The following NELL2 variants were observed in gnomAD, a reference collection of about 807,000 sequenced individuals.
NELL2 encodes neural EGFL like 2.
NELL2 carries 41 observed loss-of-function variants against 109.6 expected under a neutral mutation model. The observed-to-expected ratio is 0.37, with a 90% CI of 0.29 to 0.49. The LOEUF is 0.49. Among genes scored for constraint, NELL2 ranks in the 20% least tolerant of loss-of-function variants. The pLI, the probability that NELL2 is intolerant of heterozygous loss-of-function variation, is 0.98. For synonymous variants in NELL2, 355 were observed against 344.7 expected, an observed-to-expected ratio of 1.03 and a Z score of -0.33; for missense variants, 900 against 1,008.3, an observed-to-expected ratio of 0.89 and a Z score of 1.45.
chr12:44,715,924 AGAAG>A (rs1241962348), intron 9 of NELL2, among the ~76,000 whole-genome samples: 1 of 152,122 alleles, frequency 6.6e-6, no homozygotes, highest in Non-Finnish European at 1.5e-5. Flanking sequence ...CCAATAATAA[AGAAG>A]GAAGAAAGTA....
rs146222342 is a variant in NELL2, at chr12:44,560,723, T to C, written c.1664-28002A>G. ...AACCAAAGAAAAGCCCAGGACCAGA[T>C]GAATTTACAGCCGAATTCTACCAGA... On this transcript the variant is annotated intron_variant, in intron 15 of 19. Transcript: ENST00000429094. 5.3e-3 allele frequency among the ~76,000 whole-genome samples: 814 copies of C among 152,232 alleles called. 7 individuals carry two copies. The highest frequency in any genetic ancestry group is 0.019 in the African/African-American group (775 of 41,540).
At chr12:44,833,262 G>A (rs1275523011) in intron 2 of NELL2, among the ~76,000 whole-genome samples, 1 of 152,110 alleles carries the variant, frequency 6.6e-6, no homozygotes, top group Non-Finnish European at 1.5e-5. Flanking sequence ...TAAAACAGAG[G>A]AGAACTGGGC....
chr12:44,596,411 G>T (rs895870328), intron 15 of NELL2, among the ~76,000 whole-genome samples: 86 of 152,182 alleles, frequency 5.7e-4, no homozygotes, highest in African/African-American at 1.8e-3. Context: ...ACAGACCAGA[G>T]CAAATTACTT....
intron 12 of NELL2, among the ~76,000 whole-genome samples, chr12:44,695,149 AAG>A (rs960952451): frequency 2.1e-5 from 3 of 144,698 alleles, no homozygotes; most frequent in African/African-American, 7.6e-5. Flanking sequence ...GAAGGAAGGA[AAG>A]AGGGGAGGGA....
chr12:44,904,156 A>C (rs1945694232), intron 1 of NELL2, among the ~76,000 whole-genome samples: 1 of 152,102 alleles, frequency 6.6e-6, no homozygotes, highest in African/African-American at 2.4e-5. Context: ...TTTGGATCAC[A>C]AATTTATAAA....
chr12:44,644,602 A>ATG (rs1491379580), intron 13 of NELL2, among the ~76,000 whole-genome samples: 122 of 83,812 alleles, frequency 1.5e-3, no homozygotes, highest in African/African-American at 4.4e-3. Flanking sequence ...ATATATATAT[A>ATG]TGTATGTATA....
chr12:44,668,948 A>C (rs1948043132), intron 12 of NELL2, among the ~76,000 whole-genome samples: 1 of 151,490 alleles, frequency 6.6e-6, no homozygotes, highest in Non-Finnish European at 1.5e-5. Flanking sequence ...AGGCCCACCC[A>C]TATCTGCCAC....
intron 3 of NELL2, among the ~76,000 whole-genome samples, chr12:44,791,203 T>G (rs1478975572): frequency 1.4e-5 from 1 of 72,004 alleles, no homozygotes; most frequent in Non-Finnish European, 2.7e-5. Context: ...TATATATATA[T>G]ATATATATAT....
chr12:44,839,594 G>A (rs1029945626), intron 2 of NELL2, among the ~76,000 whole-genome samples: 2 of 152,154 alleles, frequency 1.3e-5, no homozygotes, highest in Non-Finnish European at 2.9e-5. Flanking sequence ...ATACTAATAT[G>A]AAATGTGATG....
At chr12:44,740,713 A>G (rs973081689) in intron 9 of NELL2, among the ~76,000 whole-genome samples, 2 of 152,204 alleles carry the variant, frequency 1.3e-5, no homozygotes, top group African/African-American at 4.8e-5. Flanking sequence ...TCTACCAGTT[A>G]GCATGCAGGT....
Position 44,876,140 on chromosome 12 carries a change from G to A in NELL2, c.-271C>T, listed in dbSNP as rs1045881263. 3.2e-5 allele frequency: 41 copies of A among 1,284,972 alleles called. No homozygotes were observed. Among genetic ancestry groups the A allele is most frequent in the Non-Finnish European group, 3.7e-5 (38 of 1,014,980 alleles). The allele number at this position is 1,284,972 out of a possible 1,614,324, so 79.6% of individuals were successfully genotyped here. The stretch of plus-strand genomic sequence containing the variant: ...GCCCGGAGGGGGCCCGGAGGGAGGG[G>A]TCGGACTCGCCCCGGCGCGGCTCCG... On this transcript the variant is annotated 5_prime_UTR_variant, in exon 1 of 20. Coordinates refer to ENST00000429094, the MANE Select transcript of NELL2 (RefSeq NM_001145108.2).
intron 2 of NELL2, among the ~76,000 whole-genome samples, chr12:44,856,417 G>T (rs986207314): frequency 6.6e-6 from 1 of 152,196 alleles, no homozygotes; most frequent in Admixed American, 6.5e-5. Context: ...AAGTGTTAGG[G>T]AAACTAACAG....
chr12:44,813,277 A>G (rs1943237795), intron 3 of NELL2, among the ~76,000 whole-genome samples: 1 of 152,206 alleles, frequency 6.6e-6, no homozygotes, highest in Non-Finnish European at 1.5e-5. Flanking sequence ...TAAGCCTTTA[A>G]TAACTGTTAG....
chr12:44,895,982 T>C lies in NELL2; in HGVS notation c.38+17817A>G, dbSNP rs1224517627. Among the ~76,000 whole-genome samples, 3 of 152,342 alleles carry C rather than the reference T, an allele frequency of 2.0e-5. No individual in the cohort carries two copies. In the South Asian group the frequency reaches 6.2e-4, roughly 32 times the overall value. On this transcript the variant is annotated intron_variant, in intron 1 of 20. Coordinates refer to the NELL2 transcript ENST00000333837. ...CTATGCTCGGTTTTATAACATGCTA[T>C]ATTCTGATTATTTAGACTAAGGAAA... is the stretch of plus-strand genomic sequence containing the variant.
chr12:44,608,916 G>GTA (rs1366901281), intron 14 of NELL2, among the ~76,000 whole-genome samples: 6 of 149,410 alleles, frequency 4.0e-5, no homozygotes, highest in Non-Finnish European at 8.9e-5. Flanking sequence ...ATATATATAT[G>GTA]TATATATATA....
chr12:44,555,197 T>A (rs1938367640), intron 15 of NELL2, among the ~76,000 whole-genome samples: 1 of 152,180 alleles, frequency 6.6e-6, no homozygotes, highest in African/African-American at 2.4e-5. Flanking sequence ...GGAAATCAAT[T>A]AACCTAGTTG....
intron 3 of NELL2, among the ~76,000 whole-genome samples, chr12:44,785,858 C>T (rs1461909650): frequency 6.6e-6 from 1 of 152,152 alleles, no homozygotes; most frequent in Non-Finnish European, 1.5e-5. Context: ...CCCTTCCTTA[C>T]ACCTTATGCA....
intron 1 of NELL2, among the ~76,000 whole-genome samples, chr12:44,891,887 T>C (rs1274309150): frequency 6.6e-6 from 1 of 152,240 alleles, no homozygotes; most frequent in African/African-American, 2.4e-5. Flanking sequence ...CTCAGAACAA[T>C]ATGTTTTGCT....
intron 13 of NELL2, among the ~76,000 whole-genome samples, chr12:44,629,214 A>G (rs34500282): frequency 0.12 from 17,919 of 152,238 alleles, 1,246 homozygotes; most frequent in East Asian, 0.2. Context: ...GCATTCTAAT[A>G]GAGTCCACTA....
Sources: allele counts gnomAD v4.1 joint callset (sites outside exome capture counted in the v4.1 genomes callset), GRCh38; gene constraint gnomAD v4.1.1; transcripts MANE v1.5; gene names NCBI Gene and HGNC (gene_info 2026-07-23, HGNC 2026-07-21).